IGF2BP3: variants seen among roughly 807,000 people sequenced by gnomAD.
The protein encoded by IGF2BP3 is insulin-like growth factor 2 mRNA-binding protein 3.
Under a neutral mutation model 73.8 loss-of-function variants are expected in IGF2BP3, and 9 were observed. The ratio of observed to expected loss-of-function variants is 0.12; its 90% CI spans 0.07 to 0.21. IGF2BP3 has a LOEUF of 0.21. Ranked by LOEUF, IGF2BP3 falls within the 10% of genes least tolerant of loss-of-function variation. IGF2BP3 has a pLI of 1.00. For missense variants in IGF2BP3, 542 were observed against 714.0 expected (o/e 0.76, Z 2.75); for synonymous variants, 258 against 256.7 (o/e 1.01, Z -0.05).
chr7:23,346,038 A>C lies in IGF2BP3; in HGVS notation c.843T>G (p.Ile281Met). ...IKFTEEIPLKILAHNNFVGRL... is the reference protein window; with the variant it reads ...IKFTEEIPLKMLAHNNFVGRL... ...GTCCAACAAAGTTATTATGAGCTAAAATCTTCAAGGGGATCTCTTCTGTGC... is the reference window on the plus strand; with the variant it reads ...GTCCAACAAAGTTATTATGAGCTAACATCTTCAAGGGGATCTCTTCTGTGC... The change falls in exon 8 of 15, where the codon ATT becomes ATG. Residue 281 changes from isoleucine (I) to methionine (M), a missense_variant. Ile to Met is a conservative substitution (Grantham distance 10). This residue lies in a region of IGF2BP3 where 303 missense variants were observed against 472.1 expected (regional missense o/e 0.64). Coordinates refer to ENST00000258729, the MANE Select transcript of IGF2BP3 (RefSeq NM_006547.3). 1 of 1,613,620 alleles carries C rather than the reference A, an allele frequency of 6.2e-7. No homozygotes were observed. The highest frequency in any genetic ancestry group is 2.2e-5 in the East Asian group (1 of 44,872).
At chr7:23,335,127 A>T (rs1170518551) in intron 10 of IGF2BP3, among the ~76,000 whole-genome samples, 2 of 151,446 alleles carry the variant, frequency 1.3e-5, no homozygotes. Context: ...ATAACTAGAT[A>T]ACCAAGGCTT....
rs370603635 is a variant in IGF2BP3, at chr7:23,459,601, G to A, written c.236+8881C>T. ...TAATTCCAGCACTTTGGGAGGCCGA[G>A]GTGGGCAAATCACAAGGTCAGGAGT... On this transcript the variant is annotated intron_variant, in intron 2 of 14. Coordinates refer to ENST00000258729, the MANE Select transcript of IGF2BP3 (RefSeq NM_006547.3). Among the ~76,000 whole-genome samples, 10 of 151,680 alleles carry A rather than the reference G, an allele frequency of 6.6e-5. No homozygotes were observed. In the South Asian group the frequency reaches 1.5e-3, roughly 22 times the overall value.
Position 23,377,522 on chromosome 7 carries a change from G to A in IGF2BP3, c.286-15781C>T, listed in dbSNP as rs112430891. ...AGGGAAACTGGAACCCTCAGACATC[G>A]TTGGTGGGAATGTAAAATGGTACAG... On this transcript the variant is annotated intron_variant, in intron 3 of 14. Transcript: ENST00000258729. Among the ~76,000 whole-genome samples, 139 of 152,334 alleles carry A rather than the reference G, an allele frequency of 9.1e-4. 1 individual carries two copies. Among genetic ancestry groups the A allele is most frequent in the Middle Eastern group, 3.4e-3 (1 of 294 alleles).
chr7:23,468,162 C>G (rs1240226234), intron 2 of IGF2BP3, among the ~76,000 whole-genome samples: 2 of 152,208 alleles, frequency 1.3e-5, no homozygotes, highest in African/African-American at 4.8e-5. Context: ...TGCAAACCCC[C>G]CAAACTGCTT....
intron 10 of IGF2BP3, among the ~76,000 whole-genome samples, chr7:23,331,541 CA>C (rs1406132627): frequency 1.3e-5 from 2 of 151,860 alleles, no homozygotes; most frequent in Non-Finnish European, 2.9e-5. Flanking sequence ...AAAAAACAAA[CA>C]AAAAAAGAAC....
At chr7:23,446,931 G>C (rs142410957) in intron 2 of IGF2BP3, among the ~76,000 whole-genome samples, 5 of 152,086 alleles carry the variant, frequency 3.3e-5, no homozygotes, top group African/African-American at 1.2e-4. Flanking sequence ...TGCCAGGCAC[G>C]GTGGCTCATG....
intron 5 of IGF2BP3, among the ~76,000 whole-genome samples, chr7:23,354,715 C>A (rs1374923370): frequency 6.6e-6 from 1 of 152,174 alleles, no homozygotes; most frequent in Admixed American, 6.5e-5. Context: ...AGAAAAGATT[C>A]TCTCACTGAA....
chr7:23,415,566 C>G (rs1787166656), intron 3 of IGF2BP3: 1 of 267,886 alleles, frequency 3.7e-6, no homozygotes, highest in Non-Finnish European at 7.3e-6. Context: ...AGGTCCCTGT[C>G]TGTCAGCCGG....
rs760283271 is a variant in IGF2BP3, at chr7:23,351,409, T to C, written c.579A>G (p.Pro193=). The C allele has an allele frequency of 3.1e-6, 5 of 1,613,778 alleles. No individual in the cohort carries two copies. Among genetic ancestry groups the C allele is most frequent in the South Asian group, 2.2e-5 (2 of 91,040 alleles). The change falls in exon 6 of 15, where the codon CCA becomes CCG. Residue 193 remains proline, a synonymous_variant. Transcript: ENST00000258729. Reference sequence around the variant, plus strand: ...CCAGCAGGCGCAGAGGCAAATCACATGGTTTCTGCTTGGATACGGATCCTG... The same window carrying C: ...CCAGCAGGCGCAGAGGCAAATCACACGGTTTCTGCTTGGATACGGATCCTG... ...GSPGSVSKQK[P]CDLPLRLLVP... is the part of the protein sequence containing the mutation.
intron 10 of IGF2BP3, among the ~76,000 whole-genome samples, chr7:23,321,548 G>T (rs904902200): frequency 1.3e-5 from 2 of 152,254 alleles, no homozygotes; most frequent in East Asian, 1.9e-4. Context: ...CAGCCAGGAC[G>T]CTCGAACTGG....
intron 3 of IGF2BP3, among the ~76,000 whole-genome samples, chr7:23,400,166 A>T (rs1330969169): frequency 6.6e-6 from 1 of 152,210 alleles, no homozygotes; most frequent in East Asian, 1.9e-4. Context: ...TCATGCATTA[A>T]AACAATGTGA....
chr7:23,420,033 T>C (rs935241612), intron 2 of IGF2BP3, among the ~76,000 whole-genome samples: 1 of 152,216 alleles, frequency 6.6e-6, no homozygotes, highest in African/African-American at 2.4e-5. Flanking sequence ...CACAACTGCA[T>C]GTTAACTGTA....
At chr7:23,365,465 T>C (rs907944359) in intron 3 of IGF2BP3, among the ~76,000 whole-genome samples, 1 of 152,168 alleles carries the variant, frequency 6.6e-6, no homozygotes, top group Non-Finnish European at 1.5e-5. Flanking sequence ...TACAATAATG[T>C]CAAGGCAACA....
intron 3 of IGF2BP3, among the ~76,000 whole-genome samples, chr7:23,368,274 T>C (rs890023179): frequency 2.7e-5 from 4 of 149,258 alleles, no homozygotes; most frequent in Admixed American, 2.0e-4. Flanking sequence ...GAAAGTATTA[T>C]GGTTACCTTG....
chr7:23,448,167 G>A (rs1788109417), intron 2 of IGF2BP3, among the ~76,000 whole-genome samples: 1 of 152,158 alleles, frequency 6.6e-6, no homozygotes, highest in Admixed American at 6.5e-5. Flanking sequence ...AATGTAAACT[G>A]TCAGAAGAAA....
At chr7:23,373,958 C>G (rs2128513286) in intron 3 of IGF2BP3, among the ~76,000 whole-genome samples, 1 of 152,336 alleles carries the variant, frequency 6.6e-6, no homozygotes, top group Non-Finnish European at 1.5e-5. Flanking sequence ...TCCCCTCTAC[C>G]TTTCACCATG....
At chr7:23,387,335 G>A (rs1273245347) in intron 3 of IGF2BP3, among the ~76,000 whole-genome samples, 1 of 152,154 alleles carries the variant, frequency 6.6e-6, no homozygotes, top group African/African-American at 2.4e-5. Context: ...AAGAAGGAGA[G>A]TTTAGGAAAC....
chr7:23,310,982 T>A lies in IGF2BP3; in HGVS notation c.*1380A>T, dbSNP rs1056214154. 6.6e-6 allele frequency: 1 copy of A among 152,212 alleles called. No homozygotes were observed. The highest frequency in any genetic ancestry group is 2.4e-5 in the African/African-American group (1 of 41,456). 9.4% of individuals were successfully genotyped at this position (152,212 alleles called of 1,614,324 possible). A position where few individuals can be genotyped will look rare whatever the true frequency, so the allele number is the denominator to read the frequency against. ...AATGAGTTCGTTATCAAAGGTCATA[T>A]GTTTTCACAGTCATTCAAATTATAT... On this transcript the variant is annotated 3_prime_UTR_variant, in exon 15 of 15. Transcript: ENST00000258729.
At chr7:23,455,313 A>G (rs1788291004) in intron 2 of IGF2BP3, among the ~76,000 whole-genome samples, 1 of 152,268 alleles carries the variant, frequency 6.6e-6, no homozygotes, top group East Asian at 1.9e-4. Context: ...AACAGCTTGT[A>G]GTTCCCACAC....
Sources: allele counts gnomAD v4.1 joint callset (sites outside exome capture counted in the v4.1 genomes callset), GRCh38; gene constraint gnomAD v4.1.1; regional missense constraint gnomAD v4.1.1; transcripts MANE v1.5; gene names NCBI Gene and HGNC (gene_info 2026-07-23, HGNC 2026-07-21).